The following TMEM131 variants were observed in gnomAD, a reference collection of about 807,000 sequenced individuals.
The protein encoded by TMEM131 is transmembrane protein 131.
Under a neutral mutation model 211.6 loss-of-function variants are expected in TMEM131, and 66 were observed. That is an observed-to-expected ratio of 0.31 (90% CI 0.26 to 0.38). The LOEUF is 0.38. Among genes scored for constraint, TMEM131 ranks in the 10% least tolerant of loss-of-function variants. The pLI, the probability that TMEM131 is intolerant of heterozygous loss-of-function variation, is 1.00. For synonymous variants in TMEM131, 844 were observed against 841.3 expected, an observed-to-expected ratio of 1.00 and a Z score of -0.06; for missense variants, 2,036 against 2,299.3, an observed-to-expected ratio of 0.89 and a Z score of 2.34.
At chr2:97,805,816 C>G in intron 19 of TMEM131, 113 bp from the exon 20 acceptor site, 1 of 975,994 alleles carries the variant, frequency 1.0e-6, no homozygotes, top group Non-Finnish European at 1.4e-6. Flanking sequence ...CAAAAGACAT[C>G]TTAGAATGTT....
intron 4 of TMEM131, among the ~76,000 whole-genome samples, chr2:97,861,457 A>T (rs1674064519): frequency 6.6e-6 from 1 of 151,784 alleles, no homozygotes; most frequent in South Asian, 2.1e-4. Flanking sequence ...ACAGCAGGAT[A>T]GGGCTGCTGT....
At chr2:97,828,110 T>C (rs923907051) in intron 11 of TMEM131, among the ~76,000 whole-genome samples, 4 of 152,216 alleles carry the variant, frequency 2.6e-5, no homozygotes, top group Non-Finnish European at 5.9e-5. Flanking sequence ...GTAGTGTACG[T>C]GCTATTGAGT....
intron 33 of TMEM131, among the ~76,000 whole-genome samples, chr2:97,769,108 T>C (rs1347513965): frequency 6.7e-6 from 1 of 149,768 alleles, no homozygotes; most frequent in Non-Finnish European, 1.5e-5. Context: ...TCAGCCTCCC[T>C]AGTAGTTGGG....
chr2:97,834,570 G>T (rs1682851923), intron 10 of TMEM131, 51 bp downstream of exon 10: 29 of 1,225,848 alleles, frequency 2.4e-5, no homozygotes, highest in Non-Finnish European at 3.1e-5. Context: ...TGAATACAGG[G>T]GTTAAAAAAA....
At chr2:97,943,058 AAAG>A (rs1559464576) in intron 1 of TMEM131, among the ~76,000 whole-genome samples, 15 of 80,096 alleles carry the variant, frequency 1.9e-4, no homozygotes, top group African/African-American at 5.5e-4. Flanking sequence ...AGAAAGAAAG[AAAG>A]AAAGAAAGAA....
At chr2:97,901,404 T>TA (rs1312035687) in intron 3 of TMEM131, among the ~76,000 whole-genome samples, 2 of 152,062 alleles carry the variant, frequency 1.3e-5, no homozygotes, top group Non-Finnish European at 2.9e-5. Flanking sequence ...TGGTGAGAGA[T>TA]AAGAGTTGAC....
At chr2:97,784,283 C>T (rs766208317) in intron 31 of TMEM131, among the ~76,000 whole-genome samples, 5 of 152,012 alleles carry the variant, frequency 3.3e-5, no homozygotes, top group Non-Finnish European at 5.9e-5. Context: ...TTTTCAAGTG[C>T]CCATGGGTCA....
chr2:97,840,394 T>C (rs1165341751), intron 7 of TMEM131, among the ~76,000 whole-genome samples: 4 of 152,224 alleles, frequency 2.6e-5, no homozygotes, highest in African/African-American at 7.2e-5. Context: ...TAACAGCCCT[T>C]CTACGGCACA....
chr2:97,900,651 T>C (rs1376382513), intron 3 of TMEM131, among the ~76,000 whole-genome samples: 1 of 152,158 alleles, frequency 6.6e-6, no homozygotes, highest in Non-Finnish European at 1.5e-5. Context: ...GTCTTGGCTA[T>C]TGTGAATAAT....
At chr2:97,898,848 A>AT (rs1320251529) in intron 3 of TMEM131, among the ~76,000 whole-genome samples, 2 of 151,948 alleles carry the variant, frequency 1.3e-5, no homozygotes, top group Middle Eastern at 3.2e-3. Flanking sequence ...AAATATCTGG[A>AT]TTTTCATTGT....
chr2:97,873,939 T>C (rs1252155549), intron 4 of TMEM131, among the ~76,000 whole-genome samples: 2 of 152,140 alleles, frequency 1.3e-5, no homozygotes, highest in Non-Finnish European at 2.9e-5. Flanking sequence ...TAAAGAAGTA[T>C]GTTCTAATCC....
intron 2 of TMEM131, among the ~76,000 whole-genome samples, chr2:97,921,666 G>A (rs1676745516): frequency 6.6e-6 from 1 of 152,176 alleles, no homozygotes; most frequent in Non-Finnish European, 1.5e-5. Context: ...CTCCAGGAAA[G>A]ATCTTGTATT....
At chr2:97,856,473 A>T (rs1673851381) in intron 5 of TMEM131, among the ~76,000 whole-genome samples, 1 of 152,232 alleles carries the variant, frequency 6.6e-6, no homozygotes. Context: ...TGTAAAACTT[A>T]GTTTGAACAA....
intron 5 of TMEM131, among the ~76,000 whole-genome samples, chr2:97,845,226 A>G (rs888453134): frequency 6.6e-6 from 1 of 152,088 alleles, no homozygotes; most frequent in Admixed American, 6.5e-5. Flanking sequence ...ACCTCCAAGG[A>G]CAGATAGAAT....
intron 1 of TMEM131, among the ~76,000 whole-genome samples, chr2:97,933,238 T>C (rs1573577236): frequency 6.6e-6 from 1 of 152,168 alleles, no homozygotes; most frequent in Admixed American, 6.5e-5. Flanking sequence ...CAAGTGTCCA[T>C]CACAGATGAA....
intron 2 of TMEM131, among the ~76,000 whole-genome samples, chr2:97,924,902 C>T (rs528069166): frequency 6.6e-6 from 1 of 152,260 alleles, no homozygotes; most frequent in Non-Finnish European, 1.5e-5. Context: ...GTTGTTGATA[C>T]AGGATCTCAC....
chr2:97,758,784 G>T (rs1049049727), intron 40 of TMEM131, 109 bp downstream of exon 40: 2 of 1,397,504 alleles, frequency 1.4e-6, no homozygotes, highest in Non-Finnish European at 1.9e-6. Context: ...CCCCTCTGAT[G>T]CTGCTGTTTG....
At chr2:97,790,752 G>C (rs894634352) in intron 31 of TMEM131, among the ~76,000 whole-genome samples, 5 of 152,220 alleles carry the variant, frequency 3.3e-5, no homozygotes, top group Admixed American at 2.6e-4. Flanking sequence ...ATTCACTTAA[G>C]ATTATTCTAA....
In TMEM131 at chr2:97,950,695, C is replaced by CAG. The variant is rs1218650864; in HGVS notation, c.188-23210_188-23209dup. ...TGTAGAAGTTGAATGAGTTCAGAGCCAGAACTAGGGCATGGGTCTGCTGAT... is the reference window on the plus strand; with the variant it reads ...TGTAGAAGTTGAATGAGTTCAGAGCCAGAGAACTAGGGCATGGGTCTGCTGAT... On this transcript the variant is annotated intron_variant, in intron 1 of 40. Transcript: ENST00000186436. 2.6e-5 allele frequency among the ~76,000 whole-genome samples: 4 copies of CAG among 152,014 alleles called. No homozygotes were observed. The East Asian group carries it at 7.7e-4, about 29-fold the overall frequency.
Sources: allele counts gnomAD v4.1 joint callset (sites outside exome capture counted in the v4.1 genomes callset), GRCh38; gene constraint gnomAD v4.1.1; transcripts MANE v1.5; gene names NCBI Gene and HGNC (gene_info 2026-07-23, HGNC 2026-07-21).